Variants in ATP6V1A observed in about 807,000 individuals in gnomAD.
ATP6V1A encodes V-type proton ATPase catalytic subunit A.
Under a neutral mutation model 70.1 loss-of-function variants are expected in ATP6V1A, and 18 were observed. The observed-to-expected ratio is 0.26, with a 90% CI of 0.18 to 0.38. ATP6V1A has a LOEUF of 0.38. ATP6V1A is among the 10% of genes least tolerant of loss of function. The pLI, the probability that ATP6V1A is intolerant of heterozygous loss-of-function variation, is 1.00. For missense variants in ATP6V1A, 424 were observed against 772.4 expected, an observed-to-expected ratio of 0.55 and a Z score of 5.35; for synonymous variants, 232 against 253.8, an observed-to-expected ratio of 0.91 and a Z score of 0.82.
At chr3:113,787,649 T>C (rs907523205) in intron 6 of ATP6V1A, among the ~76,000 whole-genome samples, 1 of 152,190 alleles carries the variant, frequency 6.6e-6, no homozygotes, top group Non-Finnish European at 1.5e-5. Context: ...GCATAAAGGA[T>C]GTATTTAATT....
At chr3:113,750,738 TTTAA>T (rs1321780692) in intron 1 of ATP6V1A, among the ~76,000 whole-genome samples, 1 of 152,184 alleles carries the variant, frequency 6.6e-6, no homozygotes, top group Non-Finnish European at 1.5e-5. Flanking sequence ...AAAAAAAATT[TTTAA>T]TTAATTTTAC....
At chr3:113,776,884 G>A (rs894332978) in intron 1 of ATP6V1A, among the ~76,000 whole-genome samples, 3 of 152,098 alleles carry the variant, frequency 2.0e-5, no homozygotes, top group Non-Finnish European at 4.4e-5. Flanking sequence ...TGGCACCCCC[G>A]CTACCCTCTG....
chr3:113,797,729 T>C (rs9817790), intron 11 of ATP6V1A, among the ~76,000 whole-genome samples: 152,355 of 152,368 alleles, frequency 1, 76,171 homozygotes, highest in Non-Finnish European at 1. Flanking sequence ...GTAGGTATTA[T>C]GCACTTGGAA....
intron 1 of ATP6V1A, among the ~76,000 whole-genome samples, chr3:113,753,598 T>C (rs916454821): frequency 6.6e-6 from 1 of 152,158 alleles, no homozygotes; most frequent in South Asian, 2.1e-4. Context: ...AGGCATTTTA[T>C]GGAATGTTGT....
At chr3:113,792,565 G>A (rs1206260408) in intron 8 of ATP6V1A, among the ~76,000 whole-genome samples, 1 of 152,138 alleles carries the variant, frequency 6.6e-6, no homozygotes. Context: ...GCAACTTCTA[G>A]CCTCAAGAGA....
At position 113,781,072 on chromosome 3, in the gene ATP6V1A, G is replaced by A. The variant is rs141344475; in HGVS notation, c.105G>A (p.Ala35=). The A allele has an allele frequency of 2.7e-5, 43 of 1,605,740 alleles. No individual in the cohort carries two copies. The highest frequency in any genetic ancestry group is 1.4e-4 in the South Asian group (13 of 89,974). Residue 35 remains alanine, a synonymous_variant, in exon 3 of 15, where the codon GCG becomes GCA. Transcript: ENST00000273398. ...CAGTGGTTACAGCCTGTGACATGGC[G>A]GGTGCAGCCATGTATGAGCTGGTGA... is the stretch of plus-strand genomic sequence containing the variant. ...SGPVVTACDM[A]GAAMYELVRV... is the part of the protein sequence containing the mutation.
intron 8 of ATP6V1A, among the ~76,000 whole-genome samples, chr3:113,794,496 C>T (rs957660670): frequency 1.3e-5 from 2 of 152,164 alleles, no homozygotes; most frequent in Admixed American, 1.3e-4. Flanking sequence ...CTCTGTCATT[C>T]TGAGCCATGA....
At position 113,781,097 on chromosome 3, in the gene ATP6V1A, A is replaced by G; in HGVS notation, c.130A>G (p.Arg44Gly). The G allele has an allele frequency of 6.2e-7, 1 of 1,613,318 alleles. No individual in the cohort carries two copies. The highest frequency in any genetic ancestry group is 8.5e-7 in the Non-Finnish European group (1 of 1,179,572). Residue 44 changes from arginine to glycine, a missense_variant, in exon 3 of 15, where the codon AGA becomes GGA. Physicochemically the swap from Arg to Gly is moderately radical, Grantham distance 125. Coordinates refer to ENST00000273398, the MANE Select transcript of ATP6V1A (RefSeq NM_001690.4). ...GGGTGCAGCCATGTATGAGCTGGTG[A>G]GAGTGGGCCACAGCGAATTGGTTGG... ...MAGAAMYELV[R>G]VGHSELVGEI...
intron 14 of ATP6V1A, among the ~76,000 whole-genome samples, chr3:113,808,070 C>T (rs1485554411): frequency 3.4e-5 from 5 of 147,956 alleles, no homozygotes; most frequent in Admixed American, 2.1e-4. Context: ...GTGGAGGTTG[C>T]GGTGAGCTGA....
intron 1 of ATP6V1A, among the ~76,000 whole-genome samples, chr3:113,771,660 A>T (rs997139813): frequency 2.0e-5 from 3 of 151,816 alleles, no homozygotes; most frequent in Non-Finnish European, 2.9e-5. Context: ...GATGGTCTCG[A>T]TCTCCTGACC....
rs142514426 is a variant in ATP6V1A, at chr3:113,801,997, A to C, written c.1495-1586A>C. Among the ~76,000 whole-genome samples, 893 of 151,552 alleles carry C rather than the reference A, an allele frequency of 5.9e-3. 14 individuals carry two copies. Among genetic ancestry groups the C allele is most frequent in the African/African-American group, 0.021 (850 of 41,336 alleles). ...AACTCATTGGGCTTGTCCATTTTCC[A>C]CTCCCAAGAAATCTTTACCTGTTAG... is the stretch of plus-strand genomic sequence containing the variant. On this transcript the variant is annotated intron_variant, in intron 12 of 14. Coordinates refer to ENST00000273398, the MANE Select transcript of ATP6V1A (RefSeq NM_001690.4).
intron 1 of ATP6V1A, among the ~76,000 whole-genome samples, chr3:113,777,118 T>C (rs964185804): frequency 1.3e-5 from 2 of 152,208 alleles, no homozygotes; most frequent in South Asian, 4.1e-4. Context: ...GTAATAGTTA[T>C]TAAGGTAGAT....
At chr3:113,774,044 A>G (rs1283498903) in intron 1 of ATP6V1A, among the ~76,000 whole-genome samples, 1 of 146,904 alleles carries the variant, frequency 6.8e-6, no homozygotes, top group Non-Finnish European at 1.5e-5. Context: ...TTATGATAAA[A>G]TGCACCTGAT....
intron 3 of ATP6V1A, among the ~76,000 whole-genome samples, chr3:113,783,861 A>G (rs1374504450): frequency 6.6e-6 from 1 of 152,242 alleles, no homozygotes; most frequent in Non-Finnish European, 1.5e-5. Flanking sequence ...AGATTGGAAA[A>G]TTATATAGTT....
At chr3:113,757,712 TA>T (rs1241583807) in intron 1 of ATP6V1A, among the ~76,000 whole-genome samples, 1 of 152,240 alleles carries the variant, frequency 6.6e-6, no homozygotes, top group African/African-American at 2.4e-5. Context: ...CACACAGCCT[TA>T]TCCAGAGCCA....
chr3:113,808,374 C>G (rs1413657963), intron 14 of ATP6V1A, among the ~76,000 whole-genome samples: 1 of 147,506 alleles, frequency 6.8e-6, no homozygotes, highest in African/African-American at 2.5e-5. Flanking sequence ...TCACTGCAAC[C>G]TCCGCCTCCT....
At chr3:113,786,634 G>T (rs1400294333) in intron 6 of ATP6V1A, among the ~76,000 whole-genome samples, 5 of 150,672 alleles carry the variant, frequency 3.3e-5, no homozygotes, top group African/African-American at 1.2e-4. Flanking sequence ...AATTAAATTT[G>T]CTGAAGAAAA....
chr3:113,755,279 T>C (rs1708634669), intron 1 of ATP6V1A, among the ~76,000 whole-genome samples: 1 of 151,994 alleles, frequency 6.6e-6, no homozygotes, highest in Non-Finnish European at 1.5e-5. Context: ...ATAGAAGCGA[T>C]TGGAATAATA....
chr3:113,778,628 C>T (rs1272524788), intron 1 of ATP6V1A, 113 bp from the exon 2 acceptor site: 4 of 530,448 alleles, frequency 7.5e-6, no homozygotes, highest in Non-Finnish European at 9.4e-6. Flanking sequence ...AGTATAATAA[C>T]TCAAGAATAC....
Sources: allele counts gnomAD v4.1 joint callset (sites outside exome capture counted in the v4.1 genomes callset), GRCh38; gene constraint gnomAD v4.1.1; transcripts MANE v1.5; gene names NCBI Gene and HGNC (gene_info 2026-07-23, HGNC 2026-07-21).